HEATR4: variants seen among roughly 807,000 people sequenced by gnomAD.
HEATR4 encodes the protein HEAT repeat containing 4.
In HEATR4, 95 loss-of-function variants were observed where a neutral mutation model predicts 108.8. That is an observed-to-expected ratio of 0.87 (90% CI 0.74 to 1.04). The LOEUF is 1.04. Among genes scored for constraint, HEATR4 ranks in the 50% least tolerant of loss-of-function variants. The probability of loss-of-function intolerance (pLI) is 0.00; values close to 1 mark genes in which losing one functional copy is unlikely to be tolerated. For missense variants in HEATR4, 1,152 were observed against 1,253.8 expected, an observed-to-expected ratio of 0.92 and a Z score of 1.23; for synonymous variants, 443 against 459.4, an observed-to-expected ratio of 0.96 and a Z score of 0.46.
chr14:73,493,292 T>C, intron 16 of HEATR4, 168 bp from the exon 17 acceptor site: 1 of 591,890 alleles, frequency 1.7e-6, no homozygotes, highest in Non-Finnish European at 3.0e-6. Context: ...TTTGGATCTT[T>C]CATCTGAGTT....
the HEATR4 span, chr14:73,571,212 T>TGGA: frequency 6.6e-6 from 1 of 152,618 alleles, no homozygotes; most frequent in Non-Finnish European, 1.5e-5. Context: ...GCCGCGTCCC[T>TGGA]ATGCATGGCA....
Position 73,532,813 on chromosome 14 carries a change from G to C in HEATR4, c.-151-2569C>G, listed in dbSNP as rs542117158. 6.1e-3 allele frequency among the ~76,000 whole-genome samples: 692 copies of C among 112,972 alleles called. 106 individuals are homozygous for C. Among genetic ancestry groups the C allele is most frequent in the African/African-American group, 0.019 (662 of 34,776 alleles). The allele number at this position is 112,972 out of a possible 152,430, so 74.1% of individuals were successfully genotyped here. A position where few individuals can be genotyped will look rare whatever the true frequency, so the allele number is the denominator to read the frequency against. On this transcript the variant is annotated intron_variant, in intron 1 of 17. Transcript: ENST00000553558. ...ACTAAAACATACAAAAAAATTAGCC[G>C]GGTGTGGTGGTGGGCACCTGTAGTC...
At position 73,541,595 on chromosome 14, in the gene HEATR4, C is replaced by T. The variant is rs754063921; in HGVS notation, c.-151-11351G>A. 3.7e-5 allele frequency: 46 copies of T among 1,243,688 alleles called. 1 individual carries two copies. The African/African-American group carries it at 5.5e-4, about 15-fold the overall frequency. 77.0% of individuals were successfully genotyped at this position (1,243,688 alleles called of 1,614,324 possible). A position where few individuals can be genotyped will look rare whatever the true frequency, so the allele number is the denominator to read the frequency against. On this transcript the variant is annotated intron_variant, in intron 1 of 17. Transcript: ENST00000553558. ...GCTGGGAAGGGTTTTGCTGTGATGG[C>T]TCTGGCTTACTATAACTATGAAGAC...
the HEATR4 span, among the ~76,000 whole-genome samples, chr14:73,614,157 C>G: frequency 6.6e-6 from 1 of 151,616 alleles, no homozygotes; most frequent in South Asian, 2.1e-4. Flanking sequence ...GCTGAGATCA[C>G]GCCACTGCAT....
the HEATR4 span, among the ~76,000 whole-genome samples, chr14:73,629,849 G>T: frequency 6.6e-6 from 1 of 151,626 alleles, no homozygotes; most frequent in African/African-American, 2.4e-5. Context: ...GGGTTTCACC[G>T]TGTTAGCCAG....
At chr14:73,623,621 C>T in the HEATR4 span, among the ~76,000 whole-genome samples, 2 of 152,082 alleles carry the variant, frequency 1.3e-5, no homozygotes, top group Admixed American at 6.6e-5. Flanking sequence ...CAGGAATTCT[C>T]GCTATGATGA....
the HEATR4 span, among the ~76,000 whole-genome samples, chr14:73,565,348 T>A: frequency 3.7e-4 from 56 of 151,996 alleles, 1 homozygote; most frequent in East Asian, 2.1e-3. Flanking sequence ...GGCTTGAGAA[T>A]CAGATTTCAA....
intron 9 of HEATR4, among the ~76,000 whole-genome samples, chr14:73,506,802 C>CTGTTTTTTTTTTTTT (rs1886863122): frequency 3.4e-5 from 2 of 58,056 alleles, no homozygotes; most frequent in Non-Finnish European, 2.9e-5. Context: ...CTGACTTTAA[C>CTGTTTTTTTTTTTTT]TGTTTTTTTT....
chr14:73,576,773 G>A, the HEATR4 span, among the ~76,000 whole-genome samples: 3 of 66,466 alleles, frequency 4.5e-5, no homozygotes, highest in African/African-American at 1.7e-4. Context: ...TCCAGCCTGG[G>A]CAACAGCAAG....
chr14:73,605,632 G>T, the HEATR4 span, among the ~76,000 whole-genome samples: 2 of 131,134 alleles, frequency 1.5e-5, no homozygotes, highest in Non-Finnish European at 3.1e-5. Flanking sequence ...GTGCAGTGGT[G>T]CAATCTTGGC....
intron 2 of HEATR4, among the ~76,000 whole-genome samples, chr14:73,527,695 G>C (rs1888420656): frequency 6.6e-6 from 1 of 152,002 alleles, no homozygotes; most frequent in African/African-American, 2.4e-5. Flanking sequence ...TACACAGTCA[G>C]GGCCAGGCAG....
At chr14:73,593,302 A>G in the HEATR4 span, among the ~76,000 whole-genome samples, 1 of 151,034 alleles carries the variant, frequency 6.6e-6, no homozygotes, top group African/African-American at 2.4e-5. Flanking sequence ...CAGAACATAA[A>G]GTTTTGTTTC....
At chr14:73,632,460 T>A in the HEATR4 span, among the ~76,000 whole-genome samples, 1 of 152,118 alleles carries the variant, frequency 6.6e-6, no homozygotes, top group Non-Finnish European at 1.5e-5. Flanking sequence ...TGTATATATA[T>A]ACAAAATACA....
chr14:73,629,684 G>C, the HEATR4 span, among the ~76,000 whole-genome samples: 1 of 149,240 alleles, frequency 6.7e-6, no homozygotes, highest in Non-Finnish European at 1.5e-5. Context: ...TCACTCTGTT[G>C]CCCAGGCTGG....
chr14:73,592,640 A>G, the HEATR4 span, among the ~76,000 whole-genome samples: 16 of 152,238 alleles, frequency 1.1e-4, no homozygotes, highest in African/African-American at 3.9e-4. Flanking sequence ...ATCACTTGAG[A>G]TCAGGAGTTT....
chr14:73,583,847 A>C, the HEATR4 span, among the ~76,000 whole-genome samples: 10,496 of 151,090 alleles, frequency 0.069, 468 homozygotes, highest in African/African-American at 0.11. Context: ...TAAAAATACA[A>C]AAATTAGCCG....
intron 2 of HEATR4, among the ~76,000 whole-genome samples, chr14:73,527,031 C>T (rs1178585883): frequency 6.6e-6 from 1 of 152,080 alleles, no homozygotes; most frequent in Non-Finnish European, 1.5e-5. Context: ...CCCAAGGCCA[C>T]CAAAGATACA....
chr14:73,567,515 A>G, the HEATR4 span: 1 of 151,924 alleles, frequency 6.6e-6, no homozygotes, highest in Non-Finnish European at 1.5e-5. Context: ...ACCAATCAGC[A>G]CTCTGTAAAA....
chr14:73,569,292 G>T, the HEATR4 span: 1 of 1,613,910 alleles, frequency 6.2e-7, no homozygotes, highest in Non-Finnish European at 8.5e-7. Flanking sequence ...TCTCAGGTCT[G>T]AATTCAAAAT....
Sources: allele counts gnomAD v4.1 joint callset (sites outside exome capture counted in the v4.1 genomes callset), GRCh38; gene constraint gnomAD v4.1.1; transcripts MANE v1.5; gene names NCBI Gene and HGNC (gene_info 2026-07-23, HGNC 2026-07-21).